The following SNX6 variants were observed in gnomAD, a reference collection of about 807,000 sequenced individuals.
SNX6 encodes sorting nexin-6.
In SNX6, 34 loss-of-function variants were observed where a neutral mutation model predicts 63.0. The ratio of observed to expected loss-of-function variants is 0.54; its 90% confidence interval spans 0.41 to 0.72. The LOEUF (loss-of-function observed/expected upper bound fraction) is 0.72, where lower values mean the gene tolerates loss of function less well. Among genes scored for constraint, SNX6 ranks in the 30% least tolerant of loss-of-function variants. The pLI is 0.00. For missense variants in SNX6, 398 were observed against 471.4 expected, an observed-to-expected ratio of 0.84 and a Z score of 1.44; for synonymous variants, 170 against 164.2, an observed-to-expected ratio of 1.04 and a Z score of -0.27.
At chr14:34,611,748 CAA>C (rs1171892665) in intron 2 of SNX6, among the ~76,000 whole-genome samples, 171 of 107,144 alleles carry the variant, frequency 1.6e-3, no homozygotes, top group Middle Eastern at 5.7e-3. Flanking sequence ...GACACTGTCT[CAA>C]AAAAAAAAAA....
At chr14:34,603,024 T>A (rs1398874127) in intron 6 of SNX6, among the ~76,000 whole-genome samples, 3 of 144,444 alleles carry the variant, frequency 2.1e-5, no homozygotes, top group Admixed American at 1.4e-4. Flanking sequence ...ACGCCTGTAA[T>A]CCTAGCACTT....
intron 7 of SNX6, among the ~76,000 whole-genome samples, chr14:34,594,928 C>A (rs753794801): frequency 2.0e-5 from 3 of 151,696 alleles, no homozygotes; most frequent in Non-Finnish European, 2.9e-5. Flanking sequence ...TCTGTCTCTA[C>A]AAAAAATACA....
rs896921117 is a variant in SNX6 at position 34,620,478 on chromosome 14, C to CA, written c.54+9428dup. 6.0e-5 allele frequency among the ~76,000 whole-genome samples: 9 copies of CA among 151,180 alleles called. No individual in the cohort carries two copies. The Middle Eastern group carries it at 0.014, about 237-fold the overall frequency. ...CCTGGGCAACAGAGCAAGACTATGT[C>CA]AAAAAACAAAAACAAAAACAAAATT... is the stretch of plus-strand genomic sequence containing the variant. On this transcript the variant is annotated intron_variant, in intron 2 of 13. Coordinates refer to ENST00000362031, the MANE Select transcript of SNX6 (RefSeq NM_152233.4).
chr14:34,565,137 G>C lies in SNX6; in HGVS notation c.1168-1962C>G, dbSNP rs1388796246. Among the ~76,000 whole-genome samples, 10 of 150,420 alleles carry C rather than the reference G, an allele frequency of 6.6e-5. No individual in the cohort carries two copies. The South Asian group carries it at 1.1e-3, about 16-fold the overall frequency. On this transcript the variant is annotated intron_variant, in intron 13 of 13. Transcript: ENST00000362031. ...CTGTCACCCAGGCTGGACTGCAGTG[G>C]CATGATCTCAGCTCGCTGCAAGCTC...
At chr14:34,619,138 G>C (rs1883530719) in intron 2 of SNX6, among the ~76,000 whole-genome samples, 1 of 152,094 alleles carries the variant, frequency 6.6e-6, no homozygotes, top group Non-Finnish European at 1.5e-5. Context: ...AGTAAAATTT[G>C]ATTGGCCAGG....
intron 13 of SNX6, 55 bp downstream of exon 13, chr14:34,567,631 A>G: frequency 1.4e-5 from 17 of 1,235,368 alleles, no homozygotes; most frequent in South Asian, 2.5e-5. Context: ...GTCATAACTG[A>G]TTCATTTCTA....
intron 9 of SNX6, 115 bp from the exon 10 acceptor site, chr14:34,581,715 T>TATATATATATATATAA (rs1470563523): frequency 2.7e-5 from 15 of 556,304 alleles, no homozygotes; most frequent in African/African-American, 2.4e-4. Context: ...TGCAGTTATA[T>TATATATATATATATAA]TCAATAGCCT....
intron 11 of SNX6, among the ~76,000 whole-genome samples, chr14:34,573,277 C>CA (rs1292888436): frequency 3.9e-5 from 6 of 152,008 alleles, no homozygotes; most frequent in Non-Finnish European, 5.9e-5. Flanking sequence ...AGTACCCAGC[C>CA]AAAAAAACTT....
intron 2 of SNX6, among the ~76,000 whole-genome samples, chr14:34,625,774 T>C (rs1210499104): frequency 6.6e-6 from 1 of 152,094 alleles, no homozygotes; most frequent in Non-Finnish European, 1.5e-5. Context: ...TGCCCATATG[T>C]AGAGGTGGGG....
chr14:34,570,373 C>CT (rs147036265), intron 11 of SNX6, among the ~76,000 whole-genome samples: 41,562 of 143,248 alleles, frequency 0.29, 6,399 homozygotes, highest in Non-Finnish European at 0.38. Flanking sequence ...GTCTTACCAG[C>CT]TTTTTTTTTT....
intron 6 of SNX6, among the ~76,000 whole-genome samples, chr14:34,601,472 C>T (rs1268083155): frequency 2.6e-5 from 4 of 152,032 alleles, no homozygotes; most frequent in Admixed American, 1.3e-4. Flanking sequence ...GATCCGCCCA[C>T]CTCGGCCTCC....
Position 34,604,195 on chromosome 14 carries a change from T to C in SNX6, c.393-724A>G, listed in dbSNP as rs1039013576. The C allele has an allele frequency of 3.9e-6, 5 of 1,288,622 alleles. No individual in the cohort carries two copies. In the East Asian group the frequency reaches 2.8e-4, roughly 72 times the overall value. The allele number at this position is 1,288,622 out of a possible 1,614,324, so 79.8% of individuals were successfully genotyped here. On this transcript the variant is annotated intron_variant, in intron 5 of 13. Transcript: ENST00000362031. Reference sequence around the variant, plus strand: ...GATCTCTGTGAGGGTAGTCATTCAGTGAAGACAAAAAAGAAGGATGCAGAG... The same window carrying C: ...GATCTCTGTGAGGGTAGTCATTCAGCGAAGACAAAAAAGAAGGATGCAGAG...
chr14:34,613,005 C>T (rs1041072316), intron 2 of SNX6, among the ~76,000 whole-genome samples: 8 of 147,670 alleles, frequency 5.4e-5, no homozygotes, highest in Non-Finnish European at 7.4e-5. Flanking sequence ...GCCGAGATCA[C>T]GCCACTGCAC....
intron 2 of SNX6, among the ~76,000 whole-genome samples, chr14:34,619,333 G>A (rs1883538651): frequency 6.6e-6 from 1 of 151,936 alleles, no homozygotes; most frequent in South Asian, 2.1e-4. Context: ...GAGGCAGAAG[G>A]ATCACTTGAA....
At chr14:34,583,331 G>A (rs1882018352) in intron 9 of SNX6, among the ~76,000 whole-genome samples, 1 of 152,080 alleles carries the variant, frequency 6.6e-6, no homozygotes, top group African/African-American at 2.4e-5. Flanking sequence ...AAAAAAAATA[G>A]TCTGGTGCTG....
chr14:34,571,821 C>T (rs1881464957), intron 11 of SNX6, among the ~76,000 whole-genome samples: 2 of 152,298 alleles, frequency 1.3e-5, no homozygotes, highest in East Asian at 1.9e-4. Context: ...AATAAAGCTG[C>T]TGTGAACACC....
At chr14:34,590,500 T>C (rs1031584936) in intron 8 of SNX6, among the ~76,000 whole-genome samples, 1 of 151,182 alleles carries the variant, frequency 6.6e-6, no homozygotes, top group East Asian at 1.9e-4. Flanking sequence ...TCAACAGTCA[T>C]TAGGACAATA....
rs77009422 is a variant in SNX6 at position 34,601,219 on chromosome 14, C to CTT, written c.516+2127_516+2128dup. 3.9e-3 allele frequency among the ~76,000 whole-genome samples: 558 copies of CTT among 142,360 alleles called. 11 individuals are homozygous for CTT. The highest frequency in any genetic ancestry group is 0.012 in the African/African-American group (456 of 37,416). 93.4% of individuals were successfully genotyped at this position (142,360 alleles called of 152,430 possible). A position where few individuals can be genotyped will look rare whatever the true frequency, so the allele number is the denominator to read the frequency against. On this transcript the variant is annotated intron_variant, in intron 6 of 13. Transcript: ENST00000362031. ...ATTAGTCAATGTGATAACCCTATTTCTTTTTTTTTTTTTTTTTTTTTTTTG... is the reference window on the plus strand; with the variant it reads ...ATTAGTCAATGTGATAACCCTATTTCTTTTTTTTTTTTTTTTTTTTTTTTTTG...
chr14:34,601,975 A>G (rs1024749949), intron 6 of SNX6, among the ~76,000 whole-genome samples: 6 of 152,216 alleles, frequency 3.9e-5, no homozygotes, highest in Non-Finnish European at 7.4e-5. Context: ...TACTACTGAA[A>G]AAGTGTCACT....
Sources: gnomAD v4.1 joint callset for allele counts (sites outside exome capture counted in the v4.1 genomes callset) on GRCh38, gnomAD v4.1.1 for gene constraint, MANE v1.5 for transcripts, NCBI Gene and HGNC (gene_info 2026-07-23, HGNC 2026-07-21) for gene names.